CSMD1: variants seen among roughly 807,000 people sequenced by gnomAD.
The protein encoded by CSMD1 is CUB and Sushi multiple domains 1, also known as CUB and sushi domain-containing protein 1.
A neutral mutation model predicts 417.5 loss-of-function variants in CSMD1; 213 were observed. The observed-to-expected ratio is 0.51, with a 90% CI of 0.46 to 0.57. The LOEUF (loss-of-function observed/expected upper bound fraction) is 0.57, where lower values mean the gene tolerates loss of function less well. CSMD1 is among the 20% of genes least tolerant of loss of function. The pLI, the probability that CSMD1 is intolerant of heterozygous loss-of-function variation, is 0.00. For synonymous variants in CSMD1, 2,862 were observed against 1,736.8 expected (o/e 1.65, Z -16.11); for missense variants, 6,923 against 4,529.7 (o/e 1.53, Z -15.17).
intron 3 of CSMD1, among the ~76,000 whole-genome samples, chr8:4,217,349 C>G (rs551749442): frequency 5.9e-5 from 9 of 152,178 alleles, no homozygotes; most frequent in Non-Finnish European, 1.3e-4. Context: ...CTCTAACAAT[C>G]AACTATATTT....
chr8:4,185,546 T>C (rs1354361563), intron 3 of CSMD1, among the ~76,000 whole-genome samples: 1 of 152,166 alleles, frequency 6.6e-6, no homozygotes, highest in Admixed American at 6.5e-5. Flanking sequence ...AAACATGCGC[T>C]AATTTTTTAA....
intron 3 of CSMD1, among the ~76,000 whole-genome samples, chr8:4,150,364 G>C (rs899255041): frequency 1.3e-5 from 2 of 152,162 alleles, no homozygotes; most frequent in African/African-American, 4.8e-5. Flanking sequence ...AGTGTCTGCA[G>C]CTGTCTTTTG....
intron 54 of CSMD1, among the ~76,000 whole-genome samples, chr8:2,989,957 T>C (rs1422734786): frequency 6.6e-6 from 1 of 152,158 alleles, no homozygotes; most frequent in Non-Finnish European, 1.5e-5. Flanking sequence ...ATTTGGGATA[T>C]AGTAGGTGCT....
intron 6 of CSMD1, among the ~76,000 whole-genome samples, chr8:3,742,097 C>T (rs1181389441): frequency 6.6e-6 from 1 of 151,942 alleles, no homozygotes; most frequent in Non-Finnish European, 1.5e-5. Context: ...CCTGGCTCTG[C>T]TGATGAGGAA....
chr8:3,479,053 G>A (rs539906662), intron 11 of CSMD1, among the ~76,000 whole-genome samples: 13 of 151,908 alleles, frequency 8.6e-5, no homozygotes, highest in African/African-American at 2.7e-4. Context: ...AAATCCTTCT[G>A]CCCCCTCAGC....
chr8:3,980,598 G>GT (rs1210434515), intron 5 of CSMD1, among the ~76,000 whole-genome samples: 1 of 152,042 alleles, frequency 6.6e-6, no homozygotes, highest in Non-Finnish European at 1.5e-5. Flanking sequence ...TTGTTAATTT[G>GT]TTTTTTATGC....
In CSMD1 at chr8:3,105,334, G is replaced by C. The variant is rs191684202; in HGVS notation, c.6949+1194C>G. ...CTCACCCTAAGGAATGACAATAGTTGGATTCCTTGAAAGAGCCACAATGCT... is the reference window on the plus strand; with the variant it reads ...CTCACCCTAAGGAATGACAATAGTTCGATTCCTTGAAAGAGCCACAATGCT... On this transcript the variant is annotated intron_variant, in intron 46 of 69. Coordinates refer to ENST00000635120, the MANE Select transcript of CSMD1 (RefSeq NM_033225.6). Among the ~76,000 whole-genome samples the C allele has an allele frequency of 1.2e-3, 182 of 152,178 alleles. 2 individuals carry two copies. Among genetic ancestry groups the C allele is most frequent in the African/African-American group, 4.0e-3 (164 of 41,510 alleles).
At chr8:4,393,836 A>C (rs916131136) in intron 3 of CSMD1, among the ~76,000 whole-genome samples, 1 of 152,152 alleles carries the variant, frequency 6.6e-6, no homozygotes, top group African/African-American at 2.4e-5. Flanking sequence ...TATCTTTTCC[A>C]AAGTTCTAGG....
At chr8:4,550,198 CT>C (rs757929278) in intron 2 of CSMD1, among the ~76,000 whole-genome samples, 8 of 151,900 alleles carry the variant, frequency 5.3e-5, no homozygotes, top group Non-Finnish European at 1.0e-4. Flanking sequence ...CTGTGTGCAA[CT>C]TTCCCTGTAC....
intron 1 of CSMD1, among the ~76,000 whole-genome samples, chr8:4,811,717 G>C (rs1184035752): frequency 6.6e-6 from 1 of 151,830 alleles, no homozygotes; most frequent in African/African-American, 2.4e-5. Context: ...AATGAATACT[G>C]ATTCATTTTT....
intron 3 of CSMD1, among the ~76,000 whole-genome samples, chr8:4,312,894 C>T (rs569244475): frequency 1.3e-5 from 2 of 152,200 alleles, no homozygotes; most frequent in African/African-American, 4.8e-5. Context: ...AAGCTTTCAT[C>T]ACACGTGGCA....
intron 3 of CSMD1, among the ~76,000 whole-genome samples, chr8:4,246,125 C>A (rs1251282771): frequency 6.6e-6 from 1 of 152,066 alleles, no homozygotes; most frequent in Non-Finnish European, 1.5e-5. Context: ...TTTGATCACC[C>A]AGATATTAAG....
At chr8:3,890,803 C>T (rs1806919241) in intron 5 of CSMD1, among the ~76,000 whole-genome samples, 1 of 152,032 alleles carries the variant, frequency 6.6e-6, no homozygotes, top group Admixed American at 6.6e-5. Context: ...TTTCCAGGGA[C>T]TAAAATATAG....
chr8:3,194,500 C>G (rs907042114), intron 33 of CSMD1, among the ~76,000 whole-genome samples: 1 of 147,500 alleles, frequency 6.8e-6, no homozygotes, highest in Non-Finnish European at 1.5e-5. Flanking sequence ...TTCTGTCACC[C>G]AGGCTGGAGT....
At chr8:4,085,522 C>A (rs1253268304) in intron 3 of CSMD1, among the ~76,000 whole-genome samples, 2 of 152,046 alleles carry the variant, frequency 1.3e-5, no homozygotes, top group African/African-American at 4.8e-5. Context: ...AAATTTTATC[C>A]TATCCGTTCT....
chr8:4,749,731 T>C (rs1056917137), intron 1 of CSMD1, among the ~76,000 whole-genome samples: 2 of 152,216 alleles, frequency 1.3e-5, no homozygotes, highest in Non-Finnish European at 2.9e-5. Flanking sequence ...ATTTTAATAA[T>C]TACATATTTC....
chr8:3,892,901 G>A (rs918280519), intron 5 of CSMD1, among the ~76,000 whole-genome samples: 12 of 151,638 alleles, frequency 7.9e-5, no homozygotes, highest in Admixed American at 1.3e-4. Flanking sequence ...GCGTTGATGT[G>A]GACAGAGCAA....
intron 2 of CSMD1, among the ~76,000 whole-genome samples, chr8:4,505,529 G>A (rs981559124): frequency 6.6e-6 from 1 of 152,102 alleles, no homozygotes; most frequent in Non-Finnish European, 1.5e-5. Context: ...TGATTCCTCA[G>A]AATCTTGATA....
chr8:4,565,364 T>TGCA (rs1161379082), intron 2 of CSMD1, among the ~76,000 whole-genome samples: 4 of 152,186 alleles, frequency 2.6e-5, no homozygotes, highest in Non-Finnish European at 5.9e-5. Context: ...ACAAGCCATG[T>TGCA]GCAGCTGTGG....
Sources: allele counts gnomAD v4.1 joint callset (sites outside exome capture counted in the v4.1 genomes callset), GRCh38; gene constraint gnomAD v4.1.1; transcripts MANE v1.5; gene names NCBI Gene and HGNC (gene_info 2026-07-23, HGNC 2026-07-21).